RAI14: variants seen among roughly 807,000 people sequenced by gnomAD.
The protein encoded by RAI14 is retinoic acid induced 14.
A neutral mutation model predicts 115.4 loss-of-function variants in RAI14; 45 were observed. The ratio of observed to expected loss-of-function variants is 0.39; its 90% CI spans 0.31 to 0.50. RAI14 has a LOEUF of 0.50. RAI14 is among the 20% of genes least tolerant of loss of function. The probability of loss-of-function intolerance (pLI) is 0.85; values close to 1 mark genes in which losing one functional copy is unlikely to be tolerated. For synonymous variants in RAI14, 371 were observed against 415.4 expected (o/e 0.89, Z 1.30); for missense variants, 939 against 1,131.2 (o/e 0.83, Z 2.44).
At chr5:34,794,406 G>A (rs1442656223) in intron 3 of RAI14, among the ~76,000 whole-genome samples, 1 of 152,114 alleles carries the variant, frequency 6.6e-6, no homozygotes, top group Non-Finnish European at 1.5e-5. Context: ...CTAGGCAACA[G>A]AATAAGACTC....
chr5:34,795,086 C>A (rs1753349333), intron 3 of RAI14, among the ~76,000 whole-genome samples: 1 of 152,146 alleles, frequency 6.6e-6, no homozygotes, highest in Admixed American at 6.6e-5. Context: ...CTGGGCCTGA[C>A]CACCCAGTGG....
chr5:34,772,051 G>A (rs1750232158), intron 3 of RAI14, among the ~76,000 whole-genome samples: 1 of 152,074 alleles, frequency 6.6e-6, no homozygotes. Context: ...TGGGACTATA[G>A]GTACGTGGCA....
At chr5:34,716,789 GTCTT>G (rs1742057165) in intron 2 of RAI14, 1 of 152,084 alleles carries the variant, frequency 6.6e-6, no homozygotes. Flanking sequence ...TGCTTTCTAG[GTCTT>G]TCTTCTTTGA....
At chr5:34,741,661 T>C (rs990695651) in intron 2 of RAI14, among the ~76,000 whole-genome samples, 1 of 152,174 alleles carries the variant, frequency 6.6e-6, no homozygotes, top group Non-Finnish European at 1.5e-5. Context: ...AAGAGGGATT[T>C]AAGGTTTGAA....
intron 17 of RAI14, among the ~76,000 whole-genome samples, chr5:34,830,164 TG>T (rs1387245861): frequency 6.6e-6 from 1 of 152,044 alleles, no homozygotes; most frequent in Non-Finnish European, 1.5e-5. Context: ...TTTGTATTTT[TG>T]TAGAGATGGG....
At chr5:34,694,004 C>G (rs1738938169) in intron 2 of RAI14, among the ~76,000 whole-genome samples, 1 of 152,218 alleles carries the variant, frequency 6.6e-6, no homozygotes, top group South Asian at 2.1e-4. Flanking sequence ...TAAAACATCT[C>G]TGTCTACGTG....
intron 1 of RAI14, among the ~76,000 whole-genome samples, chr5:34,681,856 C>CTTTCTTTCT (rs58823040): frequency 4.9e-5 from 6 of 122,192 alleles, no homozygotes; most frequent in South Asian, 2.7e-4. Context: ...TTCTTTCTTT[C>CTTTCTTTCT]TTTTTTTTTT....
At chr5:34,695,332 T>C (rs1739094778) in intron 2 of RAI14, among the ~76,000 whole-genome samples, 1 of 152,206 alleles carries the variant, frequency 6.6e-6, no homozygotes, top group Admixed American at 6.5e-5. Flanking sequence ...TCTAACAAGG[T>C]AGAAGTTGTT....
intron 3 of RAI14, among the ~76,000 whole-genome samples, chr5:34,759,997 G>A (rs989056383): frequency 3.3e-5 from 5 of 152,108 alleles, no homozygotes; most frequent in Admixed American, 1.3e-4. Context: ...CGAATCACCT[G>A]GAGTGCTTCT....
At chr5:34,759,949 C>G (rs1373612139) in intron 3 of RAI14, among the ~76,000 whole-genome samples, 8 of 152,158 alleles carry the variant, frequency 5.3e-5, no homozygotes, top group Non-Finnish European at 1.5e-5. Context: ...CCTGCTCGTC[C>G]TAGATTAGTG....
At chr5:34,727,783 G>C (rs1247411661) in intron 2 of RAI14, among the ~76,000 whole-genome samples, 1 of 152,196 alleles carries the variant, frequency 6.6e-6, no homozygotes, top group Non-Finnish European at 1.5e-5. Context: ...GAGGATGTAT[G>C]GAAATGCCTG....
At position 34,807,820 on chromosome 5, in the gene RAI14, T is replaced by G; in HGVS notation, c.342T>G (p.Ser114Arg). The G allele has an allele frequency of 6.2e-7, 1 of 1,611,048 alleles. No homozygotes were observed. ...KLLQSKCPAESVDSSGKTALH... is the reference protein window; with the variant it reads ...KLLQSKCPAERVDSSGKTALH... ...TATAGTCTAAATGCCCAGCCGAAAGTGTCGACAGCTCTGGGAAAACAGCTT... is the reference window on the plus strand; with the variant it reads ...TATAGTCTAAATGCCCAGCCGAAAGGGTCGACAGCTCTGGGAAAACAGCTT... Residue 114 changes from serine to arginine, a missense_variant, in exon 6 of 18, where the codon AGT (serine) becomes AGG (arginine). Transcript: ENST00000265109.
chr5:34,709,451 T>TA (rs1168252373), intron 2 of RAI14, among the ~76,000 whole-genome samples: 2 of 151,816 alleles, frequency 1.3e-5, no homozygotes, highest in Non-Finnish European at 2.9e-5. Context: ...GGTCTCCAAT[T>TA]AAAAAAAAGA....
chr5:34,674,960 G>A (rs1460763976), intron 1 of RAI14, among the ~76,000 whole-genome samples: 1 of 148,982 alleles, frequency 6.7e-6, no homozygotes, highest in African/African-American at 2.5e-5. Flanking sequence ...CCAGTGGTGT[G>A]ATCTCAGCTC....
intron 1 of RAI14, among the ~76,000 whole-genome samples, chr5:34,662,152 T>C (rs2149839993): frequency 6.6e-6 from 1 of 152,304 alleles, no homozygotes; most frequent in East Asian, 1.9e-4. Flanking sequence ...TACATCATCA[T>C]TGCCCTGACT....
intron 2 of RAI14, among the ~76,000 whole-genome samples, chr5:34,707,304 T>G (rs934571301): frequency 2.2e-4 from 34 of 152,146 alleles, no homozygotes; most frequent in African/African-American, 7.7e-4. Flanking sequence ...ACATCTCTAC[T>G]AAAAATACAG....
chr5:34,702,957 C>T (rs1325697063), intron 2 of RAI14, among the ~76,000 whole-genome samples: 6 of 152,180 alleles, frequency 3.9e-5, no homozygotes, highest in African/African-American at 1.4e-4. Context: ...CCGCCTGCCT[C>T]GGCCTCCCAA....
chr5:34,807,483 G>C (rs987370320), intron 5 of RAI14, among the ~76,000 whole-genome samples: 1 of 152,054 alleles, frequency 6.6e-6, no homozygotes, highest in African/African-American at 2.4e-5. Flanking sequence ...GGACAGAAAG[G>C]GCAGGAGATG....
At chr5:34,688,264 A>C (rs774724660) in intron 2 of RAI14, 3 of 1,542,608 alleles carry the variant, frequency 1.9e-6, no homozygotes, top group Non-Finnish European at 2.6e-6. Flanking sequence ...TAAATGGAAA[A>C]TGTTGCCCAA....
Sources: gnomAD v4.1 joint callset for allele counts (sites outside exome capture counted in the v4.1 genomes callset) on GRCh38, gnomAD v4.1.1 for gene constraint, MANE v1.5 for transcripts, NCBI Gene and HGNC (gene_info 2026-07-23, HGNC 2026-07-21) for gene names.